Variants in TCF20 observed in about 807,000 individuals in gnomAD.
The protein encoded by TCF20 is transcription factor 20.
Under a neutral mutation model 148.6 loss-of-function variants are expected in TCF20, and 3 were observed. That is an observed-to-expected ratio of 0.02 (90% confidence interval 0.01 to 0.05). TCF20 has a LOEUF of 0.05. Among genes scored for constraint, TCF20 ranks in the 10% least tolerant of loss-of-function variants. The probability of loss-of-function intolerance (pLI) is 1.00; values close to 1 mark genes in which losing one functional copy is unlikely to be tolerated. For missense variants in TCF20, 2,350 were observed against 2,429.3 expected, an observed-to-expected ratio of 0.97 and a Z score of 0.69; for synonymous variants, 1,049 against 909.5, an observed-to-expected ratio of 1.15 and a Z score of -2.76.
intron 1 of TCF20, among the ~76,000 whole-genome samples, chr22:42,258,333 G>A (rs775590056): frequency 2.6e-5 from 4 of 151,778 alleles, no homozygotes; most frequent in Non-Finnish European, 5.9e-5. Flanking sequence ...TGCCCCATGC[G>A]CAGCCTGCTT....
chr22:42,288,461 AGGAGGT>A (rs1399354153), upstream of TCF20, among the ~76,000 whole-genome samples: 1 of 148,012 alleles, frequency 6.8e-6, no homozygotes, highest in East Asian at 2.1e-4. Context: ...GCTTAAACCC[AGGAGGT>A]GGAGGCTGCA....
intron 5 of TCF20, among the ~76,000 whole-genome samples, chr22:42,167,883 C>T (rs62240864): frequency 0.12 from 18,811 of 151,088 alleles, 1,607 homozygotes; most frequent in Non-Finnish European, 0.19. Context: ...CCACCACGCA[C>T]GGCTAATTTT....
chr22:42,303,735 A>T (rs1927380762), intron 1 of TCF20, among the ~76,000 whole-genome samples: 1 of 151,856 alleles, frequency 6.6e-6, no homozygotes, highest in Admixed American at 6.6e-5. Context: ...ATGGCAGGGG[A>T]GTGCACTGCT....
At chr22:42,283,052 A>G (rs1428950597) in intron 1 of TCF20, among the ~76,000 whole-genome samples, 2 of 152,096 alleles carry the variant, frequency 1.3e-5, no homozygotes, top group South Asian at 2.1e-4. Context: ...TTCTCCTGTC[A>G]TTCTCCGCTC....
At position 42,215,099 on chromosome 22, in the gene TCF20, C is replaced by T; in HGVS notation, c.207G>A (p.Met69Ile). 6.2e-7 allele frequency: 1 copy of T among 1,614,162 alleles called. No homozygotes were observed. Among genetic ancestry groups the T allele is most frequent in the South Asian group, 1.1e-5 (1 of 91,084 alleles). ...CTTGATGGCCAGAGGTCTCGCTAGCCATCGCTGCCGCAGCAGCTGCTGCTC... is the reference window on the plus strand; with the variant it reads ...CTTGATGGCCAGAGGTCTCGCTAGCTATCGCTGCCGCAGCAGCTGCTGCTC... Reference protein sequence around the residue: ...RRGAAAAAAAMASETSGHQGY... With the variant: ...RRGAAAAAAAIASETSGHQGY... The change falls in exon 2 of 6, where the codon ATG becomes ATA. Residue 69 changes from methionine (M) to isoleucine (I), a missense_variant. Transcript: ENST00000677622.
At chr22:42,178,393 G>T (rs1199166283) in intron 3 of TCF20, among the ~76,000 whole-genome samples, 4 of 152,038 alleles carry the variant, frequency 2.6e-5, no homozygotes, top group African/African-American at 7.2e-5. Flanking sequence ...CGGTCTTGTG[G>T]GACTGAGCCC....
At chr22:42,258,105 T>G (rs1334365508) in intron 1 of TCF20, among the ~76,000 whole-genome samples, 2 of 152,184 alleles carry the variant, frequency 1.3e-5, no homozygotes, top group African/African-American at 2.4e-5. Context: ...ATTATAAAGG[T>G]CTGACCAGTT....
chr22:42,336,430 C>A (rs1028393784), intron 1 of TCF20, among the ~76,000 whole-genome samples: 1 of 152,018 alleles, frequency 6.6e-6, no homozygotes, highest in Non-Finnish European at 1.5e-5. Context: ...CTTCAGGCAT[C>A]CCTTCTCCTG....
In TCF20 at chr22:42,210,248, G is replaced by T. The variant is rs1220852180; in HGVS notation, c.5058C>A (p.Ser1686=). 6.2e-7 allele frequency: 1 copy of T among 1,614,200 alleles called. No individual in the cohort carries two copies. Among genetic ancestry groups the T allele is most frequent in the Admixed American group, 1.7e-5 (1 of 60,018 alleles). The change falls in exon 2 of 6, where the codon TCC becomes TCA. Residue 1686 remains serine, a synonymous_variant. Coordinates refer to ENST00000677622, the MANE Select transcript of TCF20 (RefSeq NM_001378418.1). The surrounding 1 kb of genome is among the most constrained non-coding windows in gnomAD (Gnocchi z 4.7). ...STESKALPAS[S]FMLQGPVVTE... ...TCACAACAGGTCCCTGCAGCATAAA[G>T]GACGAGGCCGGGAGCGCCTTGCTTT...
rs1430127364 is a variant in TCF20, at chr22:42,323,965, GTGA to G, written c.-37+19511_-37+19513del. Among the ~76,000 whole-genome samples, 72 of 41,862 alleles carry G rather than the reference GTGA, an allele frequency of 1.7e-3. 7 individuals are homozygous for G. Among genetic ancestry groups the G allele is most frequent in the Non-Finnish European group, 1.9e-3 (42 of 21,864 alleles). 27.5% of individuals were successfully genotyped at this position (41,862 alleles called of 152,430 possible). On this transcript the variant is annotated intron_variant, in intron 1 of 1. Coordinates refer to the TCF20 transcript ENST00000515426. ...GGTGATGGAGGTTATGGTGGTGGTG[GTGA>G]TGGTGGTGGTGGAGGTTATGGTGGT...
At chr22:42,206,118 G>A (rs564308769) in intron 2 of TCF20, among the ~76,000 whole-genome samples, 2 of 152,252 alleles carry the variant, frequency 1.3e-5, no homozygotes, top group South Asian at 2.1e-4. Context: ...TGCTGGGGAA[G>A]ATTTAGCCTG....
chr22:42,249,596 C>T (rs1473594278), intron 1 of TCF20, among the ~76,000 whole-genome samples: 2 of 152,136 alleles, frequency 1.3e-5, no homozygotes, highest in Non-Finnish European at 2.9e-5. Flanking sequence ...ATTGCAACGG[C>T]CAGGCAATAA....
chr22:42,221,812 C>T (rs1324865788), intron 1 of TCF20, among the ~76,000 whole-genome samples: 1 of 130,906 alleles, frequency 7.6e-6, no homozygotes, highest in East Asian at 2.4e-4. Context: ...TATCTCGGCT[C>T]ACTGCAAGCT....
intron 2 of TCF20, among the ~76,000 whole-genome samples, chr22:42,203,312 T>G (rs1405467630): frequency 6.6e-6 from 1 of 152,132 alleles, no homozygotes; most frequent in Admixed American, 6.5e-5. Context: ...TGCCCAGCCT[T>G]GGCCAAAGAA....
intron 1 of TCF20, among the ~76,000 whole-genome samples, chr22:42,336,059 TC>T (rs1172143489): frequency 9.9e-5 from 15 of 152,148 alleles, no homozygotes; most frequent in African/African-American, 3.6e-4. Context: ...TAGCGTGGCC[TC>T]CTCCAGTCAA....
chr22:42,191,441 A>T (rs1937330455), intron 2 of TCF20, among the ~76,000 whole-genome samples: 1 of 152,036 alleles, frequency 6.6e-6, no homozygotes, highest in African/African-American at 2.4e-5. Context: ...GGCACCCACC[A>T]TCACGTCCAG....
At chr22:42,161,493 A>C (rs1383550750) in intron 5 of TCF20, 135 bp from the exon 6 acceptor site, 9 of 1,149,304 alleles carry the variant, frequency 7.8e-6, no homozygotes, top group South Asian at 1.4e-5. Context: ...TGTGCTGCTG[A>C]TATGGGACAC....
intron 3 of TCF20, among the ~76,000 whole-genome samples, chr22:42,172,368 C>T (rs893986231): frequency 1.3e-5 from 2 of 152,206 alleles, no homozygotes; most frequent in Non-Finnish European, 2.9e-5. Context: ...GCAACTGCAC[C>T]TACATGGCCA....
chr22:42,171,196 C>T lies in TCF20; in HGVS notation c.5750-1300G>A, dbSNP rs530888248. Among the ~76,000 whole-genome samples, 5 of 152,314 alleles carry T rather than the reference C, an allele frequency of 3.3e-5. No homozygotes were observed. The South Asian group carries it at 1.0e-3, about 32-fold the overall frequency. Reference sequence around the variant, plus strand: ...AATGAGTTCACTCTGCACACCACAGCTCCTGGAGACCGACAGCCAGGTCAC... The same window carrying T: ...AATGAGTTCACTCTGCACACCACAGTTCCTGGAGACCGACAGCCAGGTCAC... On this transcript the variant is annotated intron_variant, in intron 3 of 5. Transcript: ENST00000677622.
Sources: allele counts gnomAD v4.1 joint callset (sites outside exome capture counted in the v4.1 genomes callset), GRCh38; gene constraint gnomAD v4.1.1; non-coding constraint Gnocchi (gnomAD v3.1); transcripts MANE v1.5; gene names NCBI Gene and HGNC (gene_info 2026-07-23, HGNC 2026-07-21).